FNIP2: variants seen among roughly 807,000 people sequenced by gnomAD.
FNIP2 encodes the protein folliculin interacting protein 2, also known as folliculin-interacting protein 2.
FNIP2 carries 32 observed loss-of-function variants against 108.7 expected under a neutral mutation model. The ratio of observed to expected loss-of-function variants is 0.29; its 90% CI spans 0.22 to 0.40. The LOEUF (loss-of-function observed/expected upper bound fraction) is 0.40. Ranked by LOEUF, FNIP2 falls within the 10% of genes least tolerant of loss-of-function variation. FNIP2 has a pLI of 1.00. For synonymous variants in FNIP2, 480 were observed against 496.7 expected, an observed-to-expected ratio of 0.97 and a Z score of 0.45; for missense variants, 1,202 against 1,381.6, an observed-to-expected ratio of 0.87 and a Z score of 2.06.
At chr4:158,896,131 A>T (rs543083054) in intron 16 of FNIP2, among the ~76,000 whole-genome samples, 1 of 152,318 alleles carries the variant, frequency 6.6e-6, no homozygotes, top group African/African-American at 2.4e-5. Context: ...CTTATGCTTG[A>T]AAAGAAAATT....
At position 158,906,749 on chromosome 4, in the gene FNIP2, A is replaced by C. The variant is rs931808379; in HGVS notation, c.*2205A>C. ...TTGCTGCTCTTTTATAATCCTTTAA[A>C]TATTTAACATTCAAGTTTTCTTTGT... On this transcript the variant is annotated 3_prime_UTR_variant, in exon 17 of 17. Coordinates refer to ENST00000264433, the MANE Select transcript of FNIP2 (RefSeq NM_020840.3). 6 of 152,250 alleles carry C rather than the reference A, an allele frequency of 3.9e-5. No individual in the cohort carries two copies. The highest frequency in any genetic ancestry group is 3.4e-3 in the Middle Eastern group (1 of 294). The allele number at this position is 152,250 out of a possible 1,614,324, so 9.4% of individuals were successfully genotyped here. A position where few individuals can be genotyped will look rare whatever the true frequency, so the allele number is the denominator to read the frequency against.
Position 158,859,112 on chromosome 4 carries a change from A to G in FNIP2, c.913A>G (p.Met305Val), listed in dbSNP as rs752076229. ...AEETCSSNPA[M>V]VRRKKIAISI... ...AGAAACCTGTAGCTCTAATCCAGCT[A>G]TGGTTAGGAGGAAGAAAATTGCCAT... Residue 305 changes from methionine (M) to valine (V), a missense_variant, in exon 9 of 17, where the codon ATG (methionine) becomes GTG (valine). Transcript: ENST00000264433. The G allele has an allele frequency of 4.3e-6, 7 of 1,614,012 alleles. No individual in the cohort carries two copies. The highest frequency in any genetic ancestry group is 4.2e-6 in the Non-Finnish European group (5 of 1,179,870).
At chr4:158,785,093 T>G (rs1776180528) in intron 1 of FNIP2, among the ~76,000 whole-genome samples, 1 of 148,660 alleles carries the variant, frequency 6.7e-6, no homozygotes, top group South Asian at 2.1e-4. Flanking sequence ...TCCTCTTTTT[T>G]TTTTTTTTTT....
chr4:158,902,296 C>G (rs186872141), intron 16 of FNIP2, among the ~76,000 whole-genome samples: 436 of 152,304 alleles, frequency 2.9e-3, no homozygotes, highest in African/African-American at 8.1e-3. Flanking sequence ...CCCTGTTTGC[C>G]TGGGTATCAC....
intron 1 of FNIP2, chr4:158,806,151 C>A: frequency 1.6e-6 from 2 of 1,228,044 alleles, no homozygotes; most frequent in South Asian, 2.8e-5. Flanking sequence ...CTGGTCATTA[C>A]AGAATGTTCC....
Position 158,868,093 on chromosome 4 carries a change from G to A in FNIP2, c.1466-9G>A, listed in dbSNP as rs1193012054. 1 of 1,611,712 alleles carries A rather than the reference G, an allele frequency of 6.2e-7. No individual in the cohort carries two copies. ...GACCACTGCCTTTGTGTCCACCTTT[G>A]CTCTCTAGGTGATCTTTACGGAGCC... On this transcript the variant is annotated splice_polypyrimidine_tract_variant and intron_variant, in intron 12 of 16. Transcript: ENST00000264433. The surrounding 1 kb of genome is among the most constrained non-coding windows in gnomAD (Gnocchi z 4.6).
At chr4:158,858,461 G>A (rs1305728703) in intron 8 of FNIP2, among the ~76,000 whole-genome samples, 2 of 152,154 alleles carry the variant, frequency 1.3e-5, no homozygotes, top group Non-Finnish European at 2.9e-5. Context: ...CATCATAGAA[G>A]CCGAGTCTCT....
At chr4:158,901,673 G>A (rs2126803603) in intron 16 of FNIP2, among the ~76,000 whole-genome samples, 1 of 151,928 alleles carries the variant, frequency 6.6e-6, no homozygotes, top group Admixed American at 6.6e-5. Context: ...ATTTCTTGGA[G>A]GCTTTGTTCG....
At chr4:158,824,960 C>T (rs1778075160) in intron 1 of FNIP2, among the ~76,000 whole-genome samples, 1 of 152,208 alleles carries the variant, frequency 6.6e-6, no homozygotes, top group Admixed American at 6.5e-5. Context: ...AAATCTGAAG[C>T]TGTTTACTGC....
chr4:158,790,452 C>T (rs1019190672), intron 1 of FNIP2, among the ~76,000 whole-genome samples: 6 of 151,890 alleles, frequency 4.0e-5, no homozygotes, highest in Admixed American at 6.5e-5. Context: ...ACAAGGAGAC[C>T]TTACAGAAGT....
intron 15 of FNIP2, 51 bp from the exon 16 acceptor site, chr4:158,895,699 T>C (rs911100022): frequency 2.7e-6 from 3 of 1,109,816 alleles, no homozygotes; most frequent in Non-Finnish European, 4.1e-6. Flanking sequence ...CTTAAAATAT[T>C]GGCAGAGATT....
chr4:158,842,221 G>A (rs980134838), intron 7 of FNIP2, among the ~76,000 whole-genome samples: 1 of 152,038 alleles, frequency 6.6e-6, no homozygotes, highest in Non-Finnish European at 1.5e-5. Flanking sequence ...TTACATACCT[G>A]TTAAAGAAAA....
At chr4:158,875,649 A>G (rs1781241152) in intron 14 of FNIP2, among the ~76,000 whole-genome samples, 1 of 151,710 alleles carries the variant, frequency 6.6e-6, no homozygotes, top group South Asian at 2.1e-4. Context: ...CACAGATAAC[A>G]TTAAATACCT....
At chr4:158,832,227 T>C in intron 5 of FNIP2, 89 bp downstream of exon 5, 1 of 1,044,286 alleles carries the variant, frequency 9.6e-7, no homozygotes, top group Non-Finnish European at 1.4e-6. Flanking sequence ...TAAGGCATTT[T>C]GAAATGACAA....
chr4:158,798,141 C>T lies in FNIP2; in HGVS notation c.108-27775C>T, dbSNP rs544312334. ...GCGCAGTGGTGTGATTATAGCTCAC[C>T]GCAGCCTCAAACTCCTGGGCTCAAA... On this transcript the variant is annotated intron_variant, in intron 1 of 16. Transcript: ENST00000264433. Among the ~76,000 whole-genome samples the T allele has an allele frequency of 3.0e-3, 453 of 152,144 alleles. 1 individual carries two copies. Among genetic ancestry groups the T allele is most frequent in the Non-Finnish European group, 5.4e-3 (369 of 67,982 alleles).
intron 1 of FNIP2, among the ~76,000 whole-genome samples, chr4:158,781,177 T>G (rs1578816285): frequency 6.6e-6 from 1 of 152,188 alleles, no homozygotes; most frequent in Non-Finnish European, 1.5e-5. Flanking sequence ...GTCTCTAAAG[T>G]CCTATTAAGA....
rs576731566 is a variant in FNIP2 at position 158,772,330 on chromosome 4, G to A, written c.107+3011G>A. 7.2e-5 allele frequency among the ~76,000 whole-genome samples: 11 copies of A among 152,276 alleles called. No homozygotes were observed. The East Asian group carries it at 1.4e-3, about 19-fold the overall frequency. ...TAAGGCCAGGATGTTTTCAAGCCAC[G>A]CTATGTCCAGTGACTTACATGTGTG... On this transcript the variant is annotated intron_variant, in intron 1 of 16. Coordinates refer to ENST00000264433, the MANE Select transcript of FNIP2 (RefSeq NM_020840.3).
intron 2 of FNIP2, 89 bp from the exon 3 acceptor site, chr4:158,828,990 T>G: frequency 9.0e-7 from 1 of 1,108,300 alleles, no homozygotes; most frequent in African/African-American, 1.6e-5. Context: ...GGCACCAGAA[T>G]GCTTTTAAAA....
chr4:158,786,823 C>T (rs150479037), intron 1 of FNIP2, among the ~76,000 whole-genome samples: 504 of 152,188 alleles, frequency 3.3e-3, no homozygotes, highest in Middle Eastern at 0.017. Flanking sequence ...TTTCTTTGTC[C>T]TTATGAATTT....
Sources: gnomAD v4.1 joint callset for allele counts (sites outside exome capture counted in the v4.1 genomes callset) on GRCh38, gnomAD v4.1.1 for gene constraint, Gnocchi (gnomAD v3.1) non-coding constraint, MANE v1.5 for transcripts, NCBI Gene and HGNC (gene_info 2026-07-23, HGNC 2026-07-21) for gene names.